Variants in RBM41 observed in about 807,000 individuals in gnomAD.
The protein encoded by RBM41 is RNA-binding protein 41.
In RBM41, 14 loss-of-function variants were observed where a neutral mutation model predicts 30.8. That is an observed-to-expected ratio of 0.45 (90% CI 0.30 to 0.71). The LOEUF (loss-of-function observed/expected upper bound fraction) is 0.71, where lower values mean the gene tolerates loss of function less well. RBM41 is among the 30% of genes least tolerant of loss of function. The pLI, the probability that RBM41 is intolerant of heterozygous loss-of-function variation, is 0.08. For synonymous variants in RBM41, 120 were observed against 110.1 expected (o/e 1.09, Z -0.56); for missense variants, 276 against 326.3 (o/e 0.85, Z 1.19).
rs1440601881 is a variant in RBM41, at chrX:107,067,402, T to G, written c.*125A>C. On this transcript the variant is annotated 3_prime_UTR_variant, in exon 8 of 8. Coordinates refer to ENST00000685964, the MANE Select transcript of RBM41 (RefSeq NM_001324242.2). ...AGTTCTCTCCAAAAGCTGAAATTAC[T>G]TTTTTCCCCTCCCTCAGTTAGTTTT... 5 of 1,090,971 alleles carry G rather than the reference T, an allele frequency of 4.6e-6. No individual in the cohort carries two copies. Among genetic ancestry groups the G allele is most frequent in the Non-Finnish European group, 6.0e-6 (5 of 840,153 alleles). 89.9% of individuals were successfully genotyped at this position (1,090,971 alleles called of 1,213,427 possible).
intron 5 of RBM41, among the ~76,000 whole-genome samples, chrX:107,101,834 C>T (rs1030379103): frequency 8.9e-6 from 1 of 111,778 alleles, no homozygotes; most frequent in Admixed American, 9.5e-5. Flanking sequence ...TTAACAAATA[C>T]CTAAAAATGT....
At chrX:107,061,676 T>C (rs1249751564), downstream of RBM41, among the ~76,000 whole-genome samples, 1 of 111,187 alleles carries the variant, frequency 9.0e-6, no homozygotes, top group East Asian at 2.8e-4. Context: ...ACTCCTAGCA[T>C]CAAGTGATCC....
In RBM41 at chrX:107,062,899, C is replaced by A; in HGVS notation, c.*4628G>T. ...TCTTGTTTATTAACTTAATACACAA[C>A]CTTGGACATGAGTATAGGTCATAAT... On this transcript the variant is annotated 3_prime_UTR_variant, in exon 8 of 8. Transcript: ENST00000685964. Among the ~76,000 whole-genome samples the A allele has an allele frequency of 8.9e-6, 1 of 111,832 alleles. No homozygotes were observed. Among genetic ancestry groups the A allele is most frequent in the Middle Eastern group, 4.7e-3 (1 of 215 alleles).
chrX:107,077,910 C>T (rs1305519916), intron 6 of RBM41, among the ~76,000 whole-genome samples: 1 of 111,553 alleles, frequency 9.0e-6, no homozygotes, highest in Non-Finnish European at 1.9e-5. Flanking sequence ...TTATTAATAT[C>T]TTACATTAAT....
chrX:107,068,573 T>C (rs1295614858), intron 7 of RBM41, among the ~76,000 whole-genome samples: 1 of 111,446 alleles, frequency 9.0e-6, no homozygotes, highest in Admixed American at 9.6e-5. Context: ...GGAAAGATGA[T>C]ACAAGACTGT....
At position 107,116,651 on chromosome X, in the gene RBM41, C is replaced by T; in HGVS notation, c.124G>A (p.Glu42Lys). ...HQLDTSVSIE[E>K]CMSKKESFAP... is the part of the protein sequence containing the mutation. ...TCCGTTTGCAAAATCAATACCTACT[C>T]CTCAATGGAGACAGAAGTATCAAGT... The change falls in exon 2 of 8, where the codon GAA becomes AAA. Residue 42 changes from glutamate to lysine, a missense_variant and splice_region_variant. Transcript: ENST00000685964. 1 of 1,209,894 alleles carries T rather than the reference C, an allele frequency of 8.3e-7. No homozygotes were observed. The highest frequency in any genetic ancestry group is 1.1e-6 in the Non-Finnish European group (1 of 895,176).
chrX:107,092,607 T>C (rs1413847488), intron 5 of RBM41, among the ~76,000 whole-genome samples: 3 of 110,677 alleles, frequency 2.7e-5, no homozygotes, highest in Non-Finnish European at 5.7e-5. Flanking sequence ...AAAATAAATA[T>C]ATACAAAAGT....
In RBM41 at chrX:107,062,839, C is replaced by T. The variant is rs1935687909; in HGVS notation, c.*4688G>A. On this transcript the variant is annotated 3_prime_UTR_variant, in exon 8 of 8. Coordinates refer to ENST00000685964, the MANE Select transcript of RBM41 (RefSeq NM_001324242.2). ...TACTATACATAAATGAATGCTTTTG[C>T]ATAAAAATGTATTCATACTATACAT... is the stretch of plus-strand genomic sequence containing the variant. Among the ~76,000 whole-genome samples, 1 of 111,615 alleles carries T rather than the reference C, an allele frequency of 9.0e-6. No homozygotes were observed. The highest frequency in any genetic ancestry group is 9.5e-5 in the Admixed American group (1 of 10,539).
chrX:107,076,347 AT>A (rs1327336721), intron 6 of RBM41, among the ~76,000 whole-genome samples: 9 of 107,826 alleles, frequency 8.3e-5, no homozygotes, highest in African/African-American at 3.0e-4. Flanking sequence ...AAATAAATAA[AT>A]AAATAAATAA....
intron 6 of RBM41, among the ~76,000 whole-genome samples, chrX:107,080,793 C>T (rs1921448440): frequency 9.0e-6 from 1 of 111,513 alleles, no homozygotes; most frequent in African/African-American, 3.3e-5. Flanking sequence ...AGCTTCTTTT[C>T]GTATGCTTAT....
chrX:107,102,967 G>A (rs771574765), intron 5 of RBM41, among the ~76,000 whole-genome samples: 1 of 111,377 alleles, frequency 9.0e-6, no homozygotes, highest in African/African-American at 3.3e-5. Context: ...GTCTCTGGAT[G>A]GAGAGAAATT....
At chrX:107,109,442 CA>C (rs754848196) in intron 5 of RBM41, among the ~76,000 whole-genome samples, 7 of 111,251 alleles carry the variant, frequency 6.3e-5, no homozygotes, top group Non-Finnish European at 9.5e-5. Context: ...AAATAAGAAC[CA>C]AAGTGGAGCT....
chrX:107,103,464 G>A (rs186419052), intron 5 of RBM41, among the ~76,000 whole-genome samples: 1 of 110,880 alleles, frequency 9.0e-6, no homozygotes, highest in East Asian at 2.8e-4. Context: ...AAGAAGTAAC[G>A]AAGGATATTC....
intron 5 of RBM41, among the ~76,000 whole-genome samples, chrX:107,093,420 G>GTGAA (rs1922714603): frequency 8.9e-6 from 1 of 111,962 alleles, no homozygotes; most frequent in African/African-American, 3.2e-5. Flanking sequence ...ACATACATTA[G>GTGAA]TGATCCACTA....
chrX:107,118,509 C>G (rs1470852912), intron 1 of RBM41, among the ~76,000 whole-genome samples: 1 of 110,950 alleles, frequency 9.0e-6, no homozygotes, highest in Non-Finnish European at 1.9e-5. Context: ...GCCGCAGCAC[C>G]CGGCCAGCTC....
At chrX:107,099,648 A>C (rs1361351135) in intron 5 of RBM41, among the ~76,000 whole-genome samples, 1 of 109,783 alleles carries the variant, frequency 9.1e-6, no homozygotes, top group Non-Finnish European at 1.9e-5. Flanking sequence ...TGAAACAAAC[A>C]AACAATATAG....
chrX:107,060,248 A>C (rs1006287889), downstream of RBM41, among the ~76,000 whole-genome samples: 3 of 110,121 alleles, frequency 2.7e-5, no homozygotes, highest in African/African-American at 9.9e-5. Context: ...ATTTCAATAT[A>C]GAGTGAAAAA....
At chrX:107,074,034 A>T (rs1936153370) in intron 6 of RBM41, among the ~76,000 whole-genome samples, 1 of 111,396 alleles carries the variant, frequency 9.0e-6, no homozygotes, top group African/African-American at 3.3e-5. Flanking sequence ...TGATAAGAGG[A>T]ATAGGTGCTA....
rs761543211 is a variant in RBM41 at position 107,073,295 on chromosome X, AAAAC to A, written c.1000-3897_1000-3894del. On this transcript the variant is annotated intron_variant, in intron 6 of 7. Transcript: ENST00000685964. ...AGGAATTCAACATCTTAACAGCATC[AAAAC>A]AAACAACCTGATTTAAAAATGGGCA... is the stretch of plus-strand genomic sequence containing the variant. Among the ~76,000 whole-genome samples the A allele has an allele frequency of 6.2e-5, 7 of 112,196 alleles. No individual in the cohort carries two copies. In the East Asian group the frequency reaches 1.1e-3, roughly 18 times the overall value.
Sources: gnomAD v4.1 joint callset for allele counts (sites outside exome capture counted in the v4.1 genomes callset) on GRCh38, gnomAD v4.1.1 for gene constraint, MANE v1.5 for transcripts, NCBI Gene and HGNC (gene_info 2026-07-23, HGNC 2026-07-21) for gene names.